The following TLCD3A variants were observed in gnomAD, a reference collection of about 807,000 sequenced individuals.
TLCD3A encodes the protein TLC domain-containing protein 3A.
A neutral mutation model predicts 29.9 loss-of-function variants in TLCD3A; 17 were observed. The observed-to-expected ratio is 0.57, with a 90% CI of 0.39 to 0.85. The LOEUF (loss-of-function observed/expected upper bound fraction) is 0.85. Ranked by LOEUF, TLCD3A falls within the 40% of genes least tolerant of loss-of-function variation. The probability of loss-of-function intolerance (pLI) is 0.00; values close to 1 mark genes in which losing one functional copy is unlikely to be tolerated. For synonymous variants in TLCD3A, 143 were observed against 147.7 expected, an observed-to-expected ratio of 0.97 and a Z score of 0.23; for missense variants, 332 against 350.8, an observed-to-expected ratio of 0.95 and a Z score of 0.43.
At chr17:740,644 A>G in intron 4 of TLCD3A, 44 bp downstream of exon 4, 1 of 1,552,340 alleles carries the variant, frequency 6.4e-7, no homozygotes, top group South Asian at 1.1e-5. Context: ...GTTCTGATTC[A>G]GGCATGTATG....
chr17:734,362 G>A (rs1974122982), intron 2 of TLCD3A, among the ~76,000 whole-genome samples: 1 of 151,638 alleles, frequency 6.6e-6, no homozygotes, highest in African/African-American at 2.4e-5. Context: ...TCAGGCTGAG[G>A]TGCAGTGGCA....
chr17:735,894 G>A (rs998754361), intron 2 of TLCD3A, among the ~76,000 whole-genome samples: 1 of 148,478 alleles, frequency 6.7e-6, no homozygotes, highest in Non-Finnish European at 1.5e-5. Flanking sequence ...AGAATCGTTT[G>A]AACCCACGAG....
At position 741,368 on chromosome 17, in the gene TLCD3A, G is replaced by C; in HGVS notation, c.572G>C (p.Cys191Ser). ...CTCACGCTGGCCACCTTCCTTTCCT[G>C]CCGGATCCTTCTCTTCCCCTTCATG... The part of the protein sequence containing the change: ...GILTLATFLS[C>S]RILLFPFMYW... The change falls in exon 5 of 5, where the codon TGC becomes TCC. Residue 191 changes from cysteine (C) to serine (S), a missense_variant. By Grantham distance (112) the Cys-to-Ser change is moderately radical. Coordinates refer to ENST00000308278, the MANE Select transcript of TLCD3A (RefSeq NM_024792.3). 6.2e-7 allele frequency: 1 copy of C among 1,614,146 alleles called. No individual in the cohort carries two copies. Among genetic ancestry groups the C allele is most frequent in the Non-Finnish European group, 8.5e-7 (1 of 1,180,028 alleles).
chr17:740,665 CAGAG>C lies in TLCD3A; in HGVS notation c.504+70_504+73del, dbSNP rs201442672. 2,635 of 1,481,336 alleles carry C rather than the reference CAGAG, an allele frequency of 1.8e-3. 40 individuals carry two copies. In the African/African-American group the frequency reaches 0.029, roughly 16 times the overall value. The allele number at this position is 1,481,336 out of a possible 1,614,324, so 91.8% of individuals were successfully genotyped here. On this transcript the variant is annotated intron_variant, in intron 4 of 4. Coordinates refer to ENST00000308278, the MANE Select transcript of TLCD3A (RefSeq NM_024792.3). ...ATTCAGGCATGTATGAATGAAATGA[CAGAG>C]AGAGTGAGGGTTCTGATTCAGGCAT...
intron 1 of TLCD3A, 72 bp from the exon 2 acceptor site, chr17:733,026 A>C (rs1597540141): frequency 1.4e-6 from 2 of 1,470,356 alleles, no homozygotes; most frequent in South Asian, 1.2e-5. Context: ...GTCAGGCCGA[A>C]GGGCCGGGCC....
At chr17:737,022 G>GT (rs1379065373) in intron 2 of TLCD3A, among the ~76,000 whole-genome samples, 2 of 147,102 alleles carry the variant, frequency 1.4e-5, no homozygotes, top group Non-Finnish European at 3.0e-5. Context: ...TTTTGTTTTT[G>GT]TTTTTTTTAG....
Position 737,994 on chromosome 17 carries a change from C to T in TLCD3A, c.355C>T (p.Leu119Phe), listed in dbSNP as rs762193397. The change falls in exon 3 of 5, where the codon CTC (leucine) becomes TTC (phenylalanine). Residue 119 changes from leucine (L) to phenylalanine (F), a missense_variant. Transcript: ENST00000308278. ...TLRNFLSRNR[L>F]MITHHAVILF... Reference sequence around the variant, plus strand: ...TCGAAACTTCCTAAGTCGAAACCGCCTCATGATCACACATCATGCGGTCAT... The same window carrying T: ...TCGAAACTTCCTAAGTCGAAACCGCTTCATGATCACACATCATGCGGTCAT... 6.2e-7 allele frequency: 1 copy of T among 1,614,026 alleles called. No individual in the cohort carries two copies. Among genetic ancestry groups the T allele is most frequent in the Non-Finnish European group, 8.5e-7 (1 of 1,179,992 alleles).
chr17:740,936 G>A (rs1266122349), intron 4 of TLCD3A, among the ~76,000 whole-genome samples: 2 of 152,178 alleles, frequency 1.3e-5, no homozygotes, highest in African/African-American at 4.8e-5. Flanking sequence ...GCCAGTGGGG[G>A]TGAAATTGTA....
At chr17:741,248 C>G in intron 4 of TLCD3A, 53 bp from the exon 5 acceptor site, 1 of 1,600,196 alleles carries the variant, frequency 6.2e-7, no homozygotes, top group Non-Finnish European at 8.5e-7. Flanking sequence ...CCGTCGCTCC[C>G]TGATGCCCAG....
In TLCD3A at chr17:732,784, G is replaced by A. The variant is rs572420553; in HGVS notation, c.122+15G>A. On this transcript the variant is annotated intron_variant, in intron 1 of 4. Transcript: ENST00000308278. The stretch of plus-strand genomic sequence containing the variant: ...ATCAGCACCAGGTACCGGCGCCGCC[G>A]AGACGCCCCCCGAGGCCCGGGGCGC... The A allele has an allele frequency of 9.1e-5, 131 of 1,443,936 alleles. No individual in the cohort carries two copies. In the African/African-American group the frequency reaches 1.7e-3, roughly 18 times the overall value. 89.4% of individuals were successfully genotyped at this position (1,443,936 alleles called of 1,614,324 possible).
chr17:741,258 G>C (rs2144124040), intron 4 of TLCD3A, 43 bp from the exon 5 acceptor site: 1 of 1,607,344 alleles, frequency 6.2e-7, no homozygotes, highest in Non-Finnish European at 8.5e-7. Context: ...CTGATGCCCA[G>C]CTTCTTGGTG....
At chr17:736,232 A>G (rs980390425) in intron 2 of TLCD3A, among the ~76,000 whole-genome samples, 2 of 152,166 alleles carry the variant, frequency 1.3e-5, no homozygotes, top group Admixed American at 6.5e-5. Context: ...TCGGCTTACA[A>G]TTTAGAATCT....
At chr17:735,929 C>G (rs1032948192) in intron 2 of TLCD3A, among the ~76,000 whole-genome samples, 1 of 148,492 alleles carries the variant, frequency 6.7e-6, no homozygotes, top group Non-Finnish European at 1.5e-5. Context: ...GAGCTGAGAT[C>G]GCGCCACTAC....
Position 740,578 on chromosome 17 carries a change from C to T in TLCD3A, c.482C>T (p.Ser161Leu), listed in dbSNP as rs770778461. ...FTAELSTPFV[S>L]LGRVLIQLKQ... ...GCAGAACTGAGCACTCCGTTTGTGT[C>T]GCTGGGCAGGGTTCTGATTCAGGCA... The change falls in exon 4 of 5, where the codon TCG becomes TTG. Residue 161 changes from serine to leucine, a missense_variant. Coordinates refer to ENST00000308278, the MANE Select transcript of TLCD3A (RefSeq NM_024792.3). 24 of 1,613,610 alleles carry T rather than the reference C, an allele frequency of 1.5e-5. No individual in the cohort carries two copies. Among genetic ancestry groups the T allele is most frequent in the Non-Finnish European group, 1.9e-5 (23 of 1,179,840 alleles).
chr17:735,178 A>G (rs934865154), intron 2 of TLCD3A, among the ~76,000 whole-genome samples: 3 of 152,032 alleles, frequency 2.0e-5, no homozygotes, highest in African/African-American at 4.8e-5. Flanking sequence ...ATGTGTCACC[A>G]CGTCTGGCTA....
chr17:738,429 G>A (rs1027937112), intron 3 of TLCD3A, among the ~76,000 whole-genome samples: 6 of 151,734 alleles, frequency 4.0e-5, no homozygotes, highest in African/African-American at 9.7e-5. Flanking sequence ...CTTAGGAGTC[G>A]GGATTGCCCC....
chr17:733,159 T>G lies in TLCD3A; in HGVS notation c.184T>G (p.Cys62Gly). Reference sequence around the variant, plus strand: ...CTCGGGGATCGTCATCATTCGCTCCTGCGACGACGTGATCACCGGCAGGTA... The same window carrying G: ...CTCGGGGATCGTCATCATTCGCTCCGGCGACGACGTGATCACCGGCAGGTA... Reference protein sequence around the residue: ...TGSGIVIIRSCDDVITGRHWL... With the variant: ...TGSGIVIIRSGDDVITGRHWL... Residue 62 changes from cysteine (C) to glycine (G), a missense_variant, in exon 2 of 5, where the codon TGC becomes GGC. Transcript: ENST00000308278. 1 of 1,570,484 alleles carries G rather than the reference T, an allele frequency of 6.4e-7. No individual in the cohort carries two copies. The highest frequency in any genetic ancestry group is 2.5e-5 in the East Asian group (1 of 40,546).
chr17:736,744 CT>C, intron 2 of TLCD3A, among the ~76,000 whole-genome samples: 1 of 152,174 alleles, frequency 6.6e-6, no homozygotes, highest in Non-Finnish European at 1.5e-5. Flanking sequence ...CAACCTCTGC[CT>C]CCCAGATTCA....
At chr17:739,354 AATTTTTAT>A (rs1974213716) in intron 3 of TLCD3A, among the ~76,000 whole-genome samples, 1 of 152,000 alleles carries the variant, frequency 6.6e-6, no homozygotes, top group Non-Finnish European at 1.5e-5. Flanking sequence ...ATGCCTGGCT[AATTTTTAT>A]ATTTTTATTA....
Sources: gnomAD v4.1 joint callset for allele counts (sites outside exome capture counted in the v4.1 genomes callset) on GRCh38, gnomAD v4.1.1 for gene constraint, MANE v1.5 for transcripts, NCBI Gene and HGNC (gene_info 2026-07-23, HGNC 2026-07-21) for gene names.